The following VGLL4 variants were observed in gnomAD, a reference collection of about 807,000 sequenced individuals.
VGLL4 encodes the protein vestigial like family member 4.
Under a neutral mutation model 21.0 loss-of-function variants are expected in VGLL4, and 7 were observed. The observed-to-expected ratio is 0.33, with a 90% CI of 0.19 to 0.63. The LOEUF (loss-of-function observed/expected upper bound fraction) is 0.63. Ranked by LOEUF, VGLL4 falls within the 20% of genes least tolerant of loss-of-function variation. The pLI, the probability that VGLL4 is intolerant of heterozygous loss-of-function variation, is 0.78. For synonymous variants in VGLL4, 222 were observed against 173.2 expected (o/e 1.28, Z -2.21); for missense variants, 394 against 425.7 (o/e 0.93, Z 0.66).
intron 2 of VGLL4, among the ~76,000 whole-genome samples, chr3:11,700,614 A>G (rs1297221800): frequency 1.3e-5 from 2 of 152,144 alleles, no homozygotes; most frequent in Non-Finnish European, 2.9e-5. Flanking sequence ...TCATCAGATC[A>G]CATAGAAAAA....
At chr3:11,670,812 C>T (rs889464737) in intron 2 of VGLL4, among the ~76,000 whole-genome samples, 10 of 152,048 alleles carry the variant, frequency 6.6e-5, no homozygotes, top group African/African-American at 1.2e-4. Flanking sequence ...CTGAGGCTGG[C>T]GGATCACCTG....
At chr3:11,575,291 T>G (rs2074005170) in intron 2 of VGLL4, among the ~76,000 whole-genome samples, 1 of 152,218 alleles carries the variant, frequency 6.6e-6, no homozygotes, top group Non-Finnish European at 1.5e-5. Flanking sequence ...CTCCTGTCAG[T>G]GTGGACTCTG....
intron 2 of VGLL4, among the ~76,000 whole-genome samples, chr3:11,675,720 T>C (rs925954999): frequency 6.6e-5 from 10 of 152,212 alleles, no homozygotes; most frequent in Admixed American, 6.5e-5. Flanking sequence ...ATACCTTTCT[T>C]AAGAGATTAG....
intron 2 of VGLL4, chr3:11,702,773 G>C (rs561348684): frequency 2.0e-4 from 67 of 331,434 alleles, no homozygotes; most frequent in African/African-American, 1.3e-3. Flanking sequence ...AGTATCCATA[G>C]TTAAGTGCCA....
intron 2 of VGLL4, among the ~76,000 whole-genome samples, chr3:11,601,095 G>T (rs184762980): frequency 6.6e-6 from 1 of 152,192 alleles, no homozygotes; most frequent in Non-Finnish European, 1.5e-5. Context: ...GGGAGAAGCC[G>T]GGTGCACGGA....
At chr3:11,612,507 A>T (rs1232683386) in intron 1 of VGLL4, 1 of 152,248 alleles carries the variant, frequency 6.6e-6, no homozygotes, top group Non-Finnish European at 1.5e-5. Context: ...ATTCAAAAAG[A>T]TCAAACACAA....
At chr3:11,634,042 G>T (rs2075538582) in intron 1 of VGLL4, among the ~76,000 whole-genome samples, 1 of 152,070 alleles carries the variant, frequency 6.6e-6, no homozygotes, top group Non-Finnish European at 1.5e-5. Context: ...TCCACCCTTT[G>T]CCCCAGGTGA....
At chr3:11,708,950 G>T (rs2076799400) in intron 1 of VGLL4, among the ~76,000 whole-genome samples, 1 of 152,060 alleles carries the variant, frequency 6.6e-6, no homozygotes, top group African/African-American at 2.4e-5. Flanking sequence ...GGTAATCCCA[G>T]CTACTCAGGA....
chr3:11,593,377 G>A (rs1201434888), intron 2 of VGLL4, among the ~76,000 whole-genome samples: 1 of 152,064 alleles, frequency 6.6e-6, no homozygotes, highest in Admixed American at 6.6e-5. Context: ...AAAATCCAGG[G>A]AAAACCCCCA....
intron 2 of VGLL4, among the ~76,000 whole-genome samples, chr3:11,571,655 A>C (rs1190346733): frequency 6.6e-6 from 1 of 152,238 alleles, no homozygotes; most frequent in Admixed American, 6.5e-5. Flanking sequence ...CAACAGGGTA[A>C]GACCCTGTCT....
chr3:11,702,650 T>A (rs13085285), intron 2 of VGLL4: 77,674 of 148,882 alleles, frequency 0.52, 20,700 homozygotes, highest in Non-Finnish European at 0.61. Context: ...TAAATTAAAT[T>A]AAATACCAGT....
chr3:11,582,313 G>A (rs2074249205), intron 2 of VGLL4: 2 of 1,599,936 alleles, frequency 1.3e-6, no homozygotes, highest in Non-Finnish European at 8.5e-7. Context: ...CAAAGAGCAT[G>A]AAGACAGCCC....
intron 2 of VGLL4, among the ~76,000 whole-genome samples, chr3:11,591,532 G>T (rs2074496131): frequency 6.6e-6 from 1 of 152,238 alleles, no homozygotes; most frequent in Non-Finnish European, 1.5e-5. Flanking sequence ...GAGGCCTGCT[G>T]GGAGAAGGCT....
intron 2 of VGLL4, chr3:11,671,522 G>A (rs1373943719): frequency 3.3e-6 from 2 of 611,256 alleles, no homozygotes; most frequent in Non-Finnish European, 5.9e-6. Flanking sequence ...AGTCTGCCCT[G>A]CAGAGCCCAC....
At chr3:11,707,655 GC>G (rs1483748324) in intron 1 of VGLL4, among the ~76,000 whole-genome samples, 1 of 152,066 alleles carries the variant, frequency 6.6e-6, no homozygotes, top group Non-Finnish European at 1.5e-5. Context: ...TTCCAGACCA[GC>G]CTGAGCAACA....
rs537182593 is a variant in VGLL4, at chr3:11,636,527, G to A, written c.82+6910C>T. ...TTGTTTGGATACTGGAGCAATTTAA[G>A]CTTTTTCTATGTATCCAAAAGTCCC... On this transcript the variant is annotated intron_variant, in intron 1 of 4. Coordinates refer to ENST00000430365, the MANE Select transcript of VGLL4 (RefSeq NM_001128219.3). Among the ~76,000 whole-genome samples, 3 of 152,264 alleles carry A rather than the reference G, an allele frequency of 2.0e-5. No homozygotes were observed. The South Asian group carries it at 6.2e-4, about 32-fold the overall frequency.
chr3:11,687,141 A>G (rs2076460402), intron 2 of VGLL4, among the ~76,000 whole-genome samples: 2 of 152,228 alleles, frequency 1.3e-5, no homozygotes, highest in African/African-American at 4.8e-5. Context: ...TGATATTAAA[A>G]TAAGCAAGCA....
At chr3:11,682,404 CAAAAAAAAAAAAAA>C (rs34428676) in intron 2 of VGLL4, among the ~76,000 whole-genome samples, 1 of 62,194 alleles carries the variant, frequency 1.6e-5, no homozygotes, top group South Asian at 6.9e-4. Context: ...GACCCTGTCT[CAAAAAAAAAAAAAA>C]AAAAAAAAAA....
chr3:11,590,176 C>T (rs964393503), intron 2 of VGLL4, among the ~76,000 whole-genome samples: 4 of 152,194 alleles, frequency 2.6e-5, no homozygotes, highest in South Asian at 4.2e-4. Flanking sequence ...TGAGCAGTGG[C>T]GAGGGGTGTC....
Sources: gnomAD v4.1 joint callset for allele counts (sites outside exome capture counted in the v4.1 genomes callset) on GRCh38, gnomAD v4.1.1 for gene constraint, MANE v1.5 for transcripts, NCBI Gene and HGNC (gene_info 2026-07-23, HGNC 2026-07-21) for gene names.